MCTP2: variants seen among roughly 807,000 people sequenced by gnomAD.
The protein encoded by MCTP2 is multiple C2 and transmembrane domain containing 2, also known as multiple C2 and transmembrane domain-containing protein 2.
Under a neutral mutation model 111.6 loss-of-function variants are expected in MCTP2, and 132 were observed. The ratio of observed to expected loss-of-function variants is 1.18; its 90% CI spans 1.03 to 1.37. The LOEUF (loss-of-function observed/expected upper bound fraction) is 1.37. Among genes scored for constraint, MCTP2 ranks in the 40% most tolerant of loss-of-function variants. The probability of loss-of-function intolerance (pLI) is 0.00; values close to 1 mark genes in which losing one functional copy is unlikely to be tolerated. For missense variants in MCTP2, 1,183 were observed against 1,067.9 expected (o/e 1.11, Z -1.50); for synonymous variants, 395 against 387.7 (o/e 1.02, Z -0.22).
At chr15:94,244,460 A>T (rs1231683742) in intron 1 of MCTP2, among the ~76,000 whole-genome samples, 1 of 148,250 alleles carries the variant, frequency 6.7e-6, no homozygotes, top group African/African-American at 2.5e-5. Context: ...ATATGTATAC[A>T]CATACATATG....
At chr15:94,332,867 T>C (rs945052557) in intron 4 of MCTP2, among the ~76,000 whole-genome samples, 1 of 152,228 alleles carries the variant, frequency 6.6e-6, no homozygotes, top group African/African-American at 2.4e-5. Flanking sequence ...AAATGTTACA[T>C]GGTAAGTTTA....
intron 8 of MCTP2, among the ~76,000 whole-genome samples, chr15:94,354,528 C>T (rs921323674): frequency 6.6e-6 from 1 of 152,166 alleles, no homozygotes; most frequent in Non-Finnish European, 1.5e-5. Flanking sequence ...CTTGCTTCCC[C>T]TTCACCTTCC....
chr15:94,464,099 T>A (rs1221287942), intron 20 of MCTP2, among the ~76,000 whole-genome samples: 1 of 150,822 alleles, frequency 6.6e-6, no homozygotes, highest in African/African-American at 2.4e-5. Context: ...GTAGGTTCTC[T>A]GTCTTTTTTC....
At chr15:94,246,334 T>A (rs924222042) in intron 1 of MCTP2, among the ~76,000 whole-genome samples, 5 of 152,166 alleles carry the variant, frequency 3.3e-5, no homozygotes, top group Non-Finnish European at 5.9e-5. Context: ...AAGCTTTCTG[T>A]GCCTCAGTTT....
At chr15:94,317,372 G>A (rs1817253529) in intron 4 of MCTP2, among the ~76,000 whole-genome samples, 1 of 152,186 alleles carries the variant, frequency 6.6e-6, no homozygotes, top group African/African-American at 2.4e-5. Flanking sequence ...AGGACAGGGT[G>A]AGCCGGTAGT....
At chr15:94,430,426 C>T (rs2083117125) in intron 17 of MCTP2, among the ~76,000 whole-genome samples, 1 of 149,608 alleles carries the variant, frequency 6.7e-6, no homozygotes, top group South Asian at 2.1e-4. Flanking sequence ...CACACACACA[C>T]ACACACACAC....
chr15:94,402,923 G>A, intron 17 of MCTP2: 3 of 1,060,622 alleles, frequency 2.8e-6, no homozygotes, highest in Non-Finnish European at 3.4e-6. Context: ...TTCTGCTTCT[G>A]TTTTCTACTG....
intron 1 of MCTP2, among the ~76,000 whole-genome samples, chr15:94,293,882 A>G (rs1217374354): frequency 6.6e-6 from 1 of 152,248 alleles, no homozygotes; most frequent in Non-Finnish European, 1.5e-5. Context: ...CAGAGAAATG[A>G]GAACATATAT....
chr15:94,380,538 T>G (rs932374193), intron 12 of MCTP2, among the ~76,000 whole-genome samples: 3 of 152,002 alleles, frequency 2.0e-5, no homozygotes, highest in African/African-American at 7.2e-5. Flanking sequence ...GAGGCTGAGG[T>G]GGGTGGATCA....
chr15:94,254,409 A>G (rs371867285), intron 1 of MCTP2, among the ~76,000 whole-genome samples: 73 of 152,310 alleles, frequency 4.8e-4, no homozygotes, highest in African/African-American at 1.6e-3. Context: ...ACTGGCTGAC[A>G]AGTTGCTTCA....
intron 4 of MCTP2, among the ~76,000 whole-genome samples, chr15:94,328,059 T>C (rs186343354): frequency 3.3e-4 from 50 of 152,272 alleles, no homozygotes; most frequent in African/African-American, 1.1e-3. Context: ...GAATTAAATG[T>C]AGCATGTCTT....
chr15:94,288,505 C>T (rs1355944750), intron 1 of MCTP2, among the ~76,000 whole-genome samples: 1 of 152,306 alleles, frequency 6.6e-6, no homozygotes, highest in East Asian at 1.9e-4. Context: ...TAATTGGAAC[C>T]ATAGCCAACA....
intron 17 of MCTP2, among the ~76,000 whole-genome samples, chr15:94,413,801 A>G (rs1326436382): frequency 6.6e-6 from 1 of 152,086 alleles, no homozygotes; most frequent in Admixed American, 6.6e-5. Context: ...ACATTTTTTC[A>G]ATTCTTTTAG....
chr15:94,462,527 A>G (rs1374964696), intron 20 of MCTP2, among the ~76,000 whole-genome samples: 2 of 152,220 alleles, frequency 1.3e-5, no homozygotes, highest in South Asian at 2.1e-4. Context: ...ATAAATGGGG[A>G]AAGAGTCTAG....
intron 12 of MCTP2, among the ~76,000 whole-genome samples, chr15:94,374,948 C>T (rs2079681180): frequency 6.6e-6 from 1 of 152,174 alleles, no homozygotes. Flanking sequence ...CTTTTTATAG[C>T]ACAATCCCAT....
At chr15:94,311,467 A>G (rs2076139803) in intron 2 of MCTP2, among the ~76,000 whole-genome samples, 1 of 152,204 alleles carries the variant, frequency 6.6e-6, no homozygotes, top group South Asian at 2.1e-4. Flanking sequence ...AAAATAATGC[A>G]ACTTCTACTC....
intron 1 of MCTP2, among the ~76,000 whole-genome samples, chr15:94,239,485 G>C (rs185293695): frequency 5.3e-5 from 8 of 152,292 alleles, no homozygotes; most frequent in African/African-American, 1.9e-4. Context: ...AAGACTTCTT[G>C]TTTGTTGTTG....
chr15:94,443,509 T>A (rs1482675703), intron 19 of MCTP2, among the ~76,000 whole-genome samples: 1 of 152,194 alleles, frequency 6.6e-6, no homozygotes, highest in African/African-American at 2.4e-5. Flanking sequence ...AAATGCCAAA[T>A]GAGATGCTAC....
intron 8 of MCTP2, among the ~76,000 whole-genome samples, chr15:94,351,599 G>A (rs541598256): frequency 3.3e-5 from 5 of 152,162 alleles, no homozygotes; most frequent in African/African-American, 9.6e-5. Flanking sequence ...TTGGCACCAC[G>A]AGAACACTGA....
Sources: allele counts gnomAD v4.1 joint callset (sites outside exome capture counted in the v4.1 genomes callset), GRCh38; gene constraint gnomAD v4.1.1; transcripts MANE v1.5; gene names NCBI Gene and HGNC (gene_info 2026-07-23, HGNC 2026-07-21).